The following FLG variants were observed in gnomAD, a reference collection of about 807,000 sequenced individuals.
The protein encoded by FLG is epidermal filaggrin.
A neutral mutation model predicts 3.8 loss-of-function variants in FLG; 6 were observed. That is an observed-to-expected ratio of 1.60 (90% CI 0.87 to 3.15). The LOEUF (loss-of-function observed/expected upper bound fraction) is 3.15, where lower values mean the gene tolerates loss of function less well. Among genes scored for constraint, FLG ranks in the 30% most tolerant of loss-of-function variants. The pLI is 0.00. For synonymous variants in FLG, 2,551 were observed against 1,931.6 expected (o/e 1.32, Z -8.41); for missense variants, 7,595 against 5,050.9 (o/e 1.50, Z -15.27).
In FLG at chr1:152,323,476, G is replaced by A. The variant is rs189052836; in HGVS notation, c.-22+1713C>T. On this transcript the variant is annotated intron_variant, in intron 1 of 2. Coordinates refer to ENST00000368799, the MANE Select transcript of FLG (RefSeq NM_002016.2). Reference sequence around the variant, plus strand: ...AATACAGTTAACTCAATGGAAAAATGAATACCTTAGGAACGTTACAGAAAA... The same window carrying A: ...AATACAGTTAACTCAATGGAAAAATAAATACCTTAGGAACGTTACAGAAAA... Among the ~76,000 whole-genome samples, 4 of 151,758 alleles carry A rather than the reference G, an allele frequency of 2.6e-5. No individual in the cohort carries two copies. The East Asian group carries it at 7.8e-4, about 30-fold the overall frequency.
Position 152,310,481 on chromosome 1 carries a change from G to C in FLG, c.4405C>G (p.Arg1469Gly), listed in dbSNP as rs768563961. Reference protein sequence around the residue: ...APSTGGRQGSRHEQARNSSRH... With the variant: ...APSTGGRQGSGHEQARNSSRH... ...GAGCTGTTTCGTGCCTGCTCATGGC[G>C]GGATCCTTGTCTTCCTCCAGTGCTG... The change falls in exon 3 of 3, where the codon CGC (arginine) becomes GGC (glycine). Residue 1469 changes from arginine (R) to glycine (G), a missense_variant. By Grantham distance (125) the Arg-to-Gly change is moderately radical (BLOSUM62 -2). Coordinates refer to ENST00000368799, the MANE Select transcript of FLG (RefSeq NM_002016.2). 6 of 1,613,608 alleles carry C rather than the reference G, an allele frequency of 3.7e-6. No individual in the cohort carries two copies. The African/African-American group carries it at 4.0e-5, about 11-fold the overall frequency.
rs1475428386 is a variant in FLG at position 152,305,065 on chromosome 1, G to C, written c.9821C>G (p.Ser3274Ter). ...GGAAGTCTCTGCGTGACGAGTGCCT[G>C]ATTGTCTGGAGCGGTCTGCAGAGTG... ...HGHSADRSRQ[S>*]GTRHAETSSG... Residue 3274 changes from serine to a stop codon, truncating the protein, a stop_gained, in exon 3 of 3, where the codon TCA (serine) becomes TGA (stop). Coordinates refer to ENST00000368799, the MANE Select transcript of FLG (RefSeq NM_002016.2). LOFTEE classifies it low-confidence loss of function (END_TRUNC). The C allele has an allele frequency of 3.7e-6, 6 of 1,614,004 alleles. No individual in the cohort carries two copies. The South Asian group carries it at 6.6e-5, about 18-fold the overall frequency.
Position 152,302,918 on chromosome 1 carries a change from C to A in FLG, c.11968G>T (p.Gly3990Trp), listed in dbSNP as rs370643935. Residue 3990 changes from glycine to tryptophan, a missense_variant, in exon 3 of 3, where the codon GGG (glycine) becomes TGG (tryptophan). Coordinates refer to ENST00000368799, the MANE Select transcript of FLG (RefSeq NM_002016.2). ...CTTCCGTGCTGAGAGTGTCTAAACC[C>A]GGATTCACCATAATCATAATCTGCA... The part of the protein sequence containing the change: ...GSADYDYGES[G>W]FRHSQHGSVS... 7.4e-6 allele frequency: 12 copies of A among 1,614,034 alleles called. No homozygotes were observed. The highest frequency in any genetic ancestry group is 1.3e-5 in the African/African-American group (1 of 74,906).
rs199885226 is a variant in FLG at position 152,314,107 on chromosome 1, G to T, written c.779C>A (p.Ser260Ter). 1.4e-5 allele frequency: 23 copies of T among 1,613,952 alleles called. No individual in the cohort carries two copies. The highest frequency in any genetic ancestry group is 1.8e-5 in the Non-Finnish European group (21 of 1,179,946). Residue 260 changes from serine to a stop codon, truncating the protein, a stop_gained, in exon 3 of 3, where the codon TCA becomes TAA. Transcript: ENST00000368799. LOFTEE classifies it low-confidence loss of function (END_TRUNC). ...LLEENKIYER[S>*]RSSDGKSSSQ... The stretch of plus-strand genomic sequence containing the variant: ...TGATGATTTGCCATCAGATGACCTT[G>T]ATCTTTCATATATTTTGTTTTCTTC...
In FLG at chr1:152,312,567, C is replaced by T. The variant is rs762809630; in HGVS notation, c.2319G>A (p.Gln773=). ...SGHGQAGHHQ[Q]SHQESARDRS... ...GGTCACGTGCGGACTCTTGGTGGCT[C>T]TGCTGATGGTGACCAGCCTGTCCAT... is the stretch of plus-strand genomic sequence containing the variant. Residue 773 remains glutamine (Q), a synonymous_variant, in exon 3 of 3, where the codon CAG becomes CAA. Coordinates refer to ENST00000368799, the MANE Select transcript of FLG (RefSeq NM_002016.2). 4.8e-5 allele frequency: 77 copies of T among 1,613,656 alleles called. No individual in the cohort carries two copies. Among genetic ancestry groups the T allele is most frequent in the Admixed American group, 1.0e-4 (6 of 59,984 alleles).
chr1:152,321,887 CA>C (rs1254202417), intron 1 of FLG, among the ~76,000 whole-genome samples: 1 of 151,004 alleles, frequency 6.6e-6, no homozygotes, highest in Non-Finnish European at 1.5e-5. Context: ...CATATAGATG[CA>C]AAACTCTGAA....
In FLG at chr1:152,313,371, C is replaced by T. The variant is rs761320135; in HGVS notation, c.1515G>A (p.Arg505=). ...SHHEQARDSS[R]HSASQEGQDT... ...CCTGACCCTCTTGGGACGCTGAATG[C>T]CTGGAGCTGTCTCGTGCCTGCTCGT... The change falls in exon 3 of 3, where the codon AGG becomes AGA. Residue 505 remains arginine, a synonymous_variant. Transcript: ENST00000368799. 11 of 1,613,174 alleles carry T rather than the reference C, an allele frequency of 6.8e-6. No homozygotes were observed. In the Admixed American group the frequency reaches 1.3e-4, roughly 20 times the overall value.
rs751056562 is a variant in FLG, at chr1:152,312,570, C to T, written c.2316G>A (p.Gln772=). 6.2e-7 allele frequency: 1 copy of T among 1,613,660 alleles called. No individual in the cohort carries two copies. The highest frequency in any genetic ancestry group is 1.1e-5 in the South Asian group (1 of 91,040). The change falls in exon 3 of 3, where the codon CAG becomes CAA. Residue 772 remains glutamine, a synonymous_variant. Coordinates refer to ENST00000368799, the MANE Select transcript of FLG (RefSeq NM_002016.2). ...CACGTGCGGACTCTTGGTGGCTCTG[C>T]TGATGGTGACCAGCCTGTCCATGGC... The part of the protein sequence containing the change: ...VSGHGQAGHH[Q]QSHQESARDR...
Position 152,311,092 on chromosome 1 carries a change from T to C in FLG, c.3794A>G (p.His1265Arg), listed in dbSNP as rs11581512. Residue 1265 changes from histidine (H) to arginine (R), a missense_variant, in exon 3 of 3, where the codon CAC (histidine) becomes CGC (arginine). Physicochemically the swap from His to Arg is conservative, Grantham distance 29. Coordinates refer to ENST00000368799, the MANE Select transcript of FLG (RefSeq NM_002016.2). ...EQSSGSRTSR[H>R]QGSSVSQDSD... ...GTCCTGGCTAACACTGGATCCCTGGTGCCTGCTTGTCCTGGACCCCGATGA... is the reference window on the plus strand; with the variant it reads ...GTCCTGGCTAACACTGGATCCCTGGCGCCTGCTTGTCCTGGACCCCGATGA... 31,216 of 1,613,852 alleles carry C rather than the reference T, an allele frequency of 0.019. 468 individuals are homozygous for C. Among genetic ancestry groups the C allele is most frequent in the Non-Finnish European group, 0.023 (27,588 of 1,179,956 alleles).
In FLG at chr1:152,310,754, C is replaced by T. The variant is rs746029503; in HGVS notation, c.4132G>A (p.Ala1378Thr). ...SRHSGIGHRQASSAVRDSGHR... is the reference protein window; with the variant it reads ...SRHSGIGHRQTSSAVRDSGHR... ...CCACTGTCTCTGACTGCAGATGAAG[C>T]TTGTCTGTGCCCAATGCCTGAGTGT... is the stretch of plus-strand genomic sequence containing the variant. The change falls in exon 3 of 3, where the codon GCT (alanine) becomes ACT (threonine). Residue 1378 changes from alanine (A) to threonine (T), a missense_variant. Coordinates refer to ENST00000368799, the MANE Select transcript of FLG (RefSeq NM_002016.2). 1 of 1,614,052 alleles carries T rather than the reference C, an allele frequency of 6.2e-7. No individual in the cohort carries two copies. Among genetic ancestry groups the T allele is most frequent in the Non-Finnish European group, 8.5e-7 (1 of 1,180,008 alleles).
rs1159400619 is a variant in FLG at position 152,307,235 on chromosome 1, G to C, written c.7651C>G (p.Gln2551Glu). 18 of 1,612,760 alleles carry C rather than the reference G, an allele frequency of 1.1e-5. No homozygotes were observed. The highest frequency in any genetic ancestry group is 1.5e-5 in the Non-Finnish European group (18 of 1,180,004). The change falls in exon 3 of 3, where the codon CAG becomes GAG. Residue 2551 changes from glutamine to glutamate, a missense_variant. By Grantham distance (29) the Gln-to-Glu change is conservative. Coordinates refer to ENST00000368799, the MANE Select transcript of FLG (RefSeq NM_002016.2). Reference protein sequence around the residue: ...ADSSGHSQVGQGQSEGPRTSR... With the variant: ...ADSSGHSQVGEGQSEGPRTSR... ...GTCCTGGGCCCCTCTGATTGTCCCTGGCCCACCTGCGAGTGTCCAGAGCTG... is the reference window on the plus strand; with the variant it reads ...GTCCTGGGCCCCTCTGATTGTCCCTCGCCCACCTGCGAGTGTCCAGAGCTG...
At position 152,302,880 on chromosome 1, in the gene FLG, A is replaced by G. The variant is rs755710170; in HGVS notation, c.12006T>C (p.Asn4002=). 1 of 1,614,194 alleles carries G rather than the reference A, an allele frequency of 6.2e-7. No homozygotes were observed. The highest frequency in any genetic ancestry group is 1.7e-5 in the Admixed American group (1 of 60,030). ...RHSQHGSVSY[N]SNPVVFKERS... is the part of the protein sequence containing the mutation. ...TTTCCTTGAAAACAACAGGATTGGA[A>G]TTGTAACTAACACTTCCGTGCTGAG... Residue 4002 remains asparagine (N), a synonymous_variant, in exon 3 of 3, where the codon AAT becomes AAC. Transcript: ENST00000368799.
intron 1 of FLG, among the ~76,000 whole-genome samples, chr1:152,315,877 G>C (rs1052943858): frequency 1.1e-4 from 17 of 152,172 alleles, no homozygotes; most frequent in Non-Finnish European, 1.5e-5. Flanking sequence ...CTTAATAAAT[G>C]ATTAATTTGC....
At position 152,310,418 on chromosome 1, in the gene FLG, G is replaced by A. The variant is rs758833597; in HGVS notation, c.4468C>T (p.Arg1490Cys). The change falls in exon 3 of 3, where the codon CGT (arginine) becomes TGT (cysteine). Residue 1490 changes from arginine (R) to cysteine (C), a missense_variant. By Grantham distance (180) the Arg-to-Cys change is radical. Transcript: ENST00000368799. ...SASQDGQDTIRGHPGSSRGGR... is the reference protein window; with the variant it reads ...SASQDGQDTICGHPGSSRGGR... ...CCTCTGCTTGACCCCGGGTGTCCAC[G>A]AATGGTGTCCTGACCGTCTTGGGAT... The A allele has an allele frequency of 3.1e-6, 5 of 1,613,430 alleles. No homozygotes were observed. In the South Asian group the frequency reaches 3.3e-5, roughly 11 times the overall value.
chr1:152,314,649 G>C lies in FLG; in HGVS notation c.237C>G (p.Phe79Leu). 6.2e-7 allele frequency: 1 copy of C among 1,613,948 alleles called. No homozygotes were observed. Among genetic ancestry groups the C allele is most frequent in the Non-Finnish European group, 8.5e-7 (1 of 1,179,968 alleles). The change falls in exon 3 of 3, where the codon TTC becomes TTG. Residue 79 changes from phenylalanine (F) to leucine (L), a missense_variant. Phe to Leu is a conservative substitution (Grantham distance 22). Transcript: ENST00000368799. ...IDFTEFLLMV[F>L]KLAQAYYEST... is the part of the protein sequence containing the mutation. Reference sequence around the variant, plus strand: ...ACTCATAATATGCTTGAGCCAACTTGAATACCATCAGAAGAAACTCAGTGA... The same window carrying C: ...ACTCATAATATGCTTGAGCCAACTTCAATACCATCAGAAGAAACTCAGTGA...
chr1:152,311,720 A>G lies in FLG; in HGVS notation c.3166T>C (p.Ser1056Pro). ...CAGTGTCCACTGTCTCTGACTGCAG[A>G]TGAAGCTTGTCTGCGCGGAATGCCT... is the stretch of plus-strand genomic sequence containing the variant. ...HSGIPRRQASSAVRDSGHWGS... is the reference protein window; with the variant it reads ...HSGIPRRQASPAVRDSGHWGS... The change falls in exon 3 of 3, where the codon TCT becomes CCT. Residue 1056 changes from serine to proline, a missense_variant. Ser to Pro is a moderately conservative substitution (Grantham distance 74). Transcript: ENST00000368799. 13 of 1,613,776 alleles carry G rather than the reference A, an allele frequency of 8.1e-6. No individual in the cohort carries two copies. The highest frequency in any genetic ancestry group is 1.1e-5 in the Non-Finnish European group (13 of 1,179,954).
Position 152,303,652 on chromosome 1 carries a change from C to T in FLG, c.11234G>A (p.Ser3745Asn). ...QGSRHEQARD[S>N]SRHSASQEGQ... The stretch of plus-strand genomic sequence containing the variant: ...CTCTTGGGACGCTGAGTGCCTGGAG[C>T]TGTCTCGTGCCTGCTCGTGGCGGGA... The change falls in exon 3 of 3, where the codon AGC becomes AAC. Residue 3745 changes from serine to asparagine, a missense_variant. Transcript: ENST00000368799. The T allele has an allele frequency of 6.2e-7, 1 of 1,614,040 alleles. No homozygotes were observed. The highest frequency in any genetic ancestry group is 8.5e-7 in the Non-Finnish European group (1 of 1,179,976).
In FLG at chr1:152,312,308, A is replaced by G. The variant is rs1652500982; in HGVS notation, c.2578T>C (p.Ser860Pro). The G allele has an allele frequency of 6.2e-7, 1 of 1,612,386 alleles. No individual in the cohort carries two copies. Among genetic ancestry groups the G allele is most frequent in the Non-Finnish European group, 8.5e-7 (1 of 1,179,676 alleles). The change falls in exon 3 of 3, where the codon TCG becomes CCG. Residue 860 changes from serine to proline, a missense_variant. Transcript: ENST00000368799. ...RGRQGSHHEQ[S>P]VDRSGHSGSH... ...CCTGAGTGTCCAGACCTATCTACCG[A>G]TTGCTCGTGGTGGGACCCCTGCCTT...
rs371059512 is a variant in FLG, at chr1:152,303,447, T to G, written c.11439A>C (p.Thr3813=). 10 of 1,613,854 alleles carry G rather than the reference T, an allele frequency of 6.2e-6. No individual in the cohort carries two copies. The African/African-American group carries it at 1.2e-4, about 19-fold the overall frequency. ...CGTCTCCTGACTGTTCCTCATTACGTGTTTCTCTGCTTGCACTTCTGGATC... is the reference window on the plus strand; with the variant it reads ...CGTCTCCTGACTGTTCCTCATTACGGGTTTCTCTGCTTGCACTTCTGGATC... The part of the protein sequence containing the change: ...QSGSRSASRE[T]RNEEQSGDGS... The change falls in exon 3 of 3, where the codon ACA becomes ACC. Residue 3813 remains threonine, a synonymous_variant. Transcript: ENST00000368799.
Sources: allele counts gnomAD v4.1 joint callset (sites outside exome capture counted in the v4.1 genomes callset), GRCh38; gene constraint gnomAD v4.1.1; transcripts MANE v1.5; gene names NCBI Gene and HGNC (gene_info 2026-07-23, HGNC 2026-07-21).